Variants in RBMS3 observed in about 807,000 individuals in gnomAD.
RBMS3 encodes the protein RNA-binding motif, single-stranded-interacting protein 3.
Under a neutral mutation model 66.8 loss-of-function variants are expected in RBMS3, and 27 were observed. That is an observed-to-expected ratio of 0.40 (90% CI 0.30 to 0.56). The LOEUF is 0.56. RBMS3 is among the 20% of genes least tolerant of loss of function. The pLI, the probability that RBMS3 is intolerant of heterozygous loss-of-function variation, is 0.40. For missense variants in RBMS3, 513 were observed against 549.5 expected (o/e 0.93, Z 0.66); for synonymous variants, 188 against 183.0 (o/e 1.03, Z -0.22).
chr3:29,343,941 T>C (rs979463602), intron 1 of RBMS3, among the ~76,000 whole-genome samples: 3 of 152,186 alleles, frequency 2.0e-5, no homozygotes, highest in African/African-American at 7.2e-5. Context: ...CAAACATAAA[T>C]AACAGTGTTT....
intron 6 of RBMS3, among the ~76,000 whole-genome samples, chr3:29,835,697 C>G (rs1333910692): frequency 6.6e-6 from 1 of 151,644 alleles, no homozygotes; most frequent in Non-Finnish European, 1.5e-5. Flanking sequence ...AAATAAACAA[C>G]CTAACTTTAC....
rs149022808 is a variant in RBMS3 at position 29,535,710 on chromosome 3, CTTTTTTTTTTTTTTTT to C, written c.307+47227_307+47242del. Among the ~76,000 whole-genome samples, 50 of 39,756 alleles carry C rather than the reference CTTTTTTTTTTTTTTTT, an allele frequency of 1.3e-3. 1 individual carries two copies. The South Asian group carries it at 0.05, about 39-fold the overall frequency. The allele number at this position is 39,756 out of a possible 152,430, so 26.1% of individuals were successfully genotyped here. On this transcript the variant is annotated intron_variant, in intron 3 of 14. Transcript: ENST00000383767. ...GAGTTCAATGATTGAGATCATTGCTCTTTTTTTTTTTTTTTTTTTTTTTTTTTTTTTGCTGGTAAAT... is the reference window on the plus strand; with the variant it reads ...GAGTTCAATGATTGAGATCATTGCTCTTTTTTTTTTTTTTTGCTGGTAAAT...
At chr3:29,918,621 G>A (rs1264320575) in intron 10 of RBMS3, among the ~76,000 whole-genome samples, 2 of 151,860 alleles carry the variant, frequency 1.3e-5, no homozygotes, top group East Asian at 3.9e-4. Context: ...TATAAATATT[G>A]TAGCGCTATT....
At chr3:29,348,253 T>G (rs1575589510) in intron 1 of RBMS3, among the ~76,000 whole-genome samples, 1 of 152,338 alleles carries the variant, frequency 6.6e-6, no homozygotes. Flanking sequence ...CCTGACTGCA[T>G]TGTCATTTAA....
chr3:29,674,864 A>G (rs753721765), intron 4 of RBMS3, among the ~76,000 whole-genome samples: 2 of 152,170 alleles, frequency 1.3e-5, no homozygotes, highest in Non-Finnish European at 2.9e-5. Flanking sequence ...ATCCCCATCA[A>G]GCAACCAATT....
intron 6 of RBMS3, among the ~76,000 whole-genome samples, chr3:29,763,754 C>G (rs1189194603): frequency 6.6e-6 from 1 of 151,898 alleles, no homozygotes. Context: ...TTAATATTAA[C>G]TAAGTAAAGT....
chr3:29,567,825 A>G (rs1333577758), intron 3 of RBMS3, among the ~76,000 whole-genome samples: 4 of 152,164 alleles, frequency 2.6e-5, no homozygotes, highest in Non-Finnish European at 5.9e-5. Context: ...AAGTTCACCA[A>G]TTCCTTCCAA....
chr3:29,849,020 T>C (rs1050363450), intron 6 of RBMS3, among the ~76,000 whole-genome samples: 2 of 152,204 alleles, frequency 1.3e-5, no homozygotes, highest in African/African-American at 4.8e-5. Flanking sequence ...TTAATATCTT[T>C]GCAGCCCCTT....
chr3:29,395,243 C>A (rs893212474), intron 1 of RBMS3, among the ~76,000 whole-genome samples: 2 of 152,208 alleles, frequency 1.3e-5, no homozygotes, highest in South Asian at 2.1e-4. Flanking sequence ...ACCATTGGAA[C>A]TAACCTACAG....
intron 4 of RBMS3, among the ~76,000 whole-genome samples, chr3:29,609,100 A>G (rs1269323959): frequency 6.6e-6 from 1 of 152,060 alleles, no homozygotes; most frequent in Non-Finnish European, 1.5e-5. Context: ...AAAATAAATT[A>G]CCAGAAAAAT....
At chr3:29,366,786 T>C (rs996452688) in intron 1 of RBMS3, among the ~76,000 whole-genome samples, 19 of 152,194 alleles carry the variant, frequency 1.2e-4, no homozygotes, top group African/African-American at 4.3e-4. Context: ...ATTAGATTAA[T>C]CTTCCTGCAT....
intron 3 of RBMS3, among the ~76,000 whole-genome samples, chr3:29,569,332 C>A (rs1182588160): frequency 2.6e-5 from 4 of 151,864 alleles, no homozygotes; most frequent in Non-Finnish European, 5.9e-5. Context: ...CATGAACCTC[C>A]AGCAATTTAA....
At chr3:29,590,292 G>A (rs1027123590) in intron 4 of RBMS3, among the ~76,000 whole-genome samples, 1 of 152,016 alleles carries the variant, frequency 6.6e-6, no homozygotes, top group African/African-American at 2.4e-5. Flanking sequence ...TTAGGTTAGA[G>A]AACTGCTGTG....
chr3:29,659,234 CAT>C (rs1173978057), intron 4 of RBMS3, among the ~76,000 whole-genome samples: 23 of 152,076 alleles, frequency 1.5e-4, no homozygotes, highest in Admixed American at 4.6e-4. Context: ...ATATAAGTAA[CAT>C]AAAATGTACC....
At chr3:29,282,659 G>A (rs1436156477) in intron 1 of RBMS3, among the ~76,000 whole-genome samples, 1 of 152,062 alleles carries the variant, frequency 6.6e-6, no homozygotes, top group East Asian at 1.9e-4. Context: ...CATGTTAGCG[G>A]AGTGACCACC....
chr3:29,640,286 C>CA (rs879853761), intron 4 of RBMS3, among the ~76,000 whole-genome samples: 1,739 of 123,016 alleles, frequency 0.014, 25 homozygotes, highest in Admixed American at 0.064. Context: ...ACACACACAC[C>CA]CACACACACA....
intron 7 of RBMS3, among the ~76,000 whole-genome samples, chr3:29,879,119 AG>A (rs2059680176): frequency 6.6e-6 from 1 of 152,184 alleles, no homozygotes; most frequent in African/African-American, 2.4e-5. Flanking sequence ...ATACTACGCC[AG>A]TATTTTAACA....
intron 3 of RBMS3, among the ~76,000 whole-genome samples, chr3:29,567,095 G>A (rs1274459545): frequency 6.6e-6 from 1 of 152,082 alleles, no homozygotes; most frequent in Non-Finnish European, 1.5e-5. Flanking sequence ...ATGTCATGAT[G>A]TTAAAGTGAC....
At chr3:29,700,468 C>T (rs1696967856) in intron 4 of RBMS3, among the ~76,000 whole-genome samples, 1 of 152,068 alleles carries the variant, frequency 6.6e-6, no homozygotes, top group South Asian at 2.1e-4. Flanking sequence ...AGCTCATGTT[C>T]CCAAAGTAAT....
Sources: gnomAD v4.1 joint callset for allele counts (sites outside exome capture counted in the v4.1 genomes callset) on GRCh38, gnomAD v4.1.1 for gene constraint, MANE v1.5 for transcripts, NCBI Gene and HGNC (gene_info 2026-07-23, HGNC 2026-07-21) for gene names.